The following UXS1 variants were observed in gnomAD, a reference collection of about 807,000 sequenced individuals.
UXS1 encodes the protein UDP-glucuronate decarboxylase 1.
In UXS1, 33 loss-of-function variants were observed where a neutral mutation model predicts 62.6. The ratio of observed to expected loss-of-function variants is 0.53; its 90% confidence interval spans 0.40 to 0.70. UXS1 has a LOEUF of 0.70. Ranked by LOEUF, UXS1 falls within the 30% of genes least tolerant of loss-of-function variation. The pLI is 0.00. For synonymous variants in UXS1, 213 were observed against 206.8 expected (o/e 1.03, Z -0.26); for missense variants, 434 against 556.3 (o/e 0.78, Z 2.21).
intron 5 of UXS1, among the ~76,000 whole-genome samples, chr2:106,150,867 C>A (rs931486570): frequency 6.6e-6 from 1 of 152,230 alleles, no homozygotes; most frequent in African/African-American, 2.4e-5. Context: ...AGCCACAAGG[C>A]TGGGGCTCCC....
chr2:106,100,093 A>G (rs1677469651), intron 12 of UXS1, among the ~76,000 whole-genome samples: 1 of 152,228 alleles, frequency 6.6e-6, no homozygotes, highest in Non-Finnish European at 1.5e-5. Context: ...AGGAGAGGTA[A>G]TTTGGGAGAA....
intron 11 of UXS1, among the ~76,000 whole-genome samples, chr2:106,104,287 C>G (rs1677862101): frequency 6.6e-6 from 1 of 152,142 alleles, no homozygotes. Flanking sequence ...TAAGGGCTGC[C>G]AAGAAAGCAA....
intron 13 of UXS1, chr2:106,097,531 G>A (rs774311769): frequency 5.1e-5 from 14 of 271,918 alleles, no homozygotes; most frequent in Non-Finnish European, 9.0e-5. Context: ...ATATACAGAA[G>A]CACAGCAGGG....
intron 9 of UXS1, among the ~76,000 whole-genome samples, chr2:106,117,707 C>A (rs796140343): frequency 1.3e-5 from 2 of 152,162 alleles, no homozygotes; most frequent in East Asian, 3.9e-4. Context: ...CTCTCTCTGA[C>A]GCTTCTCTCA....
chr2:106,192,916 A>G (rs1685022169), intron 1 of UXS1, among the ~76,000 whole-genome samples: 1 of 152,232 alleles, frequency 6.6e-6, no homozygotes, highest in Non-Finnish European at 1.5e-5. Flanking sequence ...TGCCATAATA[A>G]TAGTTATTCA....
intron 9 of UXS1, among the ~76,000 whole-genome samples, chr2:106,114,157 T>C (rs1651287715): frequency 6.6e-6 from 1 of 152,178 alleles, no homozygotes; most frequent in Non-Finnish European, 1.5e-5. Flanking sequence ...GGCTTGTCAA[T>C]TTCCCTAGGG....
At position 106,185,667 on chromosome 2, in the gene UXS1, T is replaced by A. The variant is rs148767931; in HGVS notation, c.94+8481A>T. Among the ~76,000 whole-genome samples the A allele has an allele frequency of 2.6e-4, 39 of 152,358 alleles. 2 individuals carry two copies. In the East Asian group the frequency reaches 6.7e-3, roughly 26 times the overall value. ...CAATTCCTAGAATTTGTGATTGTTA[T>A]CTTACTTGGAAAAAAGGTCTTTTTA... On this transcript the variant is annotated intron_variant, in intron 1 of 14. Coordinates refer to ENST00000283148, the MANE Select transcript of UXS1 (RefSeq NM_001253875.2).
chr2:106,123,235 C>T, intron 8 of UXS1, 144 bp from the exon 9 acceptor site: 2 of 1,126,868 alleles, frequency 1.8e-6, no homozygotes, highest in East Asian at 2.7e-5. Flanking sequence ...CTCAGGTTTC[C>T]AGTCCATTCT....
intron 1 of UXS1, among the ~76,000 whole-genome samples, chr2:106,171,109 C>T (rs573400258): frequency 6.6e-6 from 1 of 152,290 alleles, no homozygotes; most frequent in South Asian, 2.1e-4. Context: ...TGTATGTAAA[C>T]TGAGGCATAT....
At chr2:106,145,726 T>C (rs932443759) in intron 5 of UXS1, among the ~76,000 whole-genome samples, 1 of 152,234 alleles carries the variant, frequency 6.6e-6, no homozygotes, top group Non-Finnish European at 1.5e-5. Context: ...CACGTGGCTT[T>C]AATATTACTG....
At chr2:106,148,976 G>C (rs1681805605) in intron 5 of UXS1, among the ~76,000 whole-genome samples, 1 of 152,130 alleles carries the variant, frequency 6.6e-6, no homozygotes, top group African/African-American at 2.4e-5. Context: ...CAGCTAAAGT[G>C]GTCTAGTTCA....
intron 6 of UXS1, among the ~76,000 whole-genome samples, chr2:106,131,049 G>A (rs866295401): frequency 6.4e-4 from 97 of 150,568 alleles, no homozygotes; most frequent in Middle Eastern, 3.4e-3. Flanking sequence ...GTGTGTGCGC[G>A]CACCGTGCGC....
intron 14 of UXS1, 90 bp downstream of exon 14, chr2:106,096,628 C>T (rs1451155884): frequency 8.2e-7 from 1 of 1,226,158 alleles, no homozygotes; most frequent in Admixed American, 2.8e-5. Context: ...CCTCCGGGGG[C>T]TGTCTGACAA....
chr2:106,119,321 G>A (rs1679329513), intron 9 of UXS1, among the ~76,000 whole-genome samples: 1 of 152,156 alleles, frequency 6.6e-6, no homozygotes, highest in Admixed American at 6.5e-5. Context: ...AGTGTGGGGA[G>A]GAGCAGGCCC....
At chr2:106,100,575 C>G in intron 12 of UXS1, among the ~76,000 whole-genome samples, 1 of 152,212 alleles carries the variant, frequency 6.6e-6, no homozygotes, top group East Asian at 1.9e-4. Flanking sequence ...CTGGATGATC[C>G]CTCCAACAGG....
At chr2:106,184,876 A>G (rs1169640429) in intron 1 of UXS1, among the ~76,000 whole-genome samples, 2 of 152,196 alleles carry the variant, frequency 1.3e-5, no homozygotes, top group Non-Finnish European at 2.9e-5. Flanking sequence ...CTCAGGAGAC[A>G]TGCACACCAC....
At chr2:106,129,393 G>A (rs1006321907) in intron 7 of UXS1, among the ~76,000 whole-genome samples, 11 of 152,296 alleles carry the variant, frequency 7.2e-5, no homozygotes, top group African/African-American at 2.6e-4. Context: ...CACATGAAGC[G>A]CCTGTGGTCA....
chr2:106,125,634 G>T lies in UXS1; in HGVS notation c.623C>A (p.Ser208Ter). 1 of 1,577,742 alleles carries T rather than the reference G, an allele frequency of 6.3e-7. No homozygotes were observed. The highest frequency in any genetic ancestry group is 1.3e-5 in the African/African-American group (1 of 74,192). ...VGARLLLAST[S>*]EVYGDPEVHP... ...CTCCTACTCACCTCCATACACCTCC[G>T]ATGTGGAGGCCAGGAGCAGACGGGC... The change falls in exon 8 of 15, where the codon TCG becomes TAG. Residue 208 changes from serine (S) to a stop codon, truncating the protein, a stop_gained. Coordinates refer to ENST00000283148, the MANE Select transcript of UXS1 (RefSeq NM_001253875.2). LOFTEE classifies it high-confidence loss of function.
chr2:106,112,982 G>C (rs566488983), intron 9 of UXS1, among the ~76,000 whole-genome samples: 7 of 152,160 alleles, frequency 4.6e-5, no homozygotes, highest in African/African-American at 1.7e-4. Flanking sequence ...AGCTGTCCCA[G>C]ATCTCGCCAC....
Sources: allele counts gnomAD v4.1 joint callset (sites outside exome capture counted in the v4.1 genomes callset), GRCh38; gene constraint gnomAD v4.1.1; transcripts MANE v1.5; gene names NCBI Gene and HGNC (gene_info 2026-07-23, HGNC 2026-07-21).